DPP10: variants seen among roughly 807,000 people sequenced by gnomAD.
The protein encoded by DPP10 is dipeptidyl peptidase like 10, also known as inactive dipeptidyl peptidase 10.
In DPP10, 33 loss-of-function variants were observed where a neutral mutation model predicts 120.9. The observed-to-expected ratio is 0.27, with a 90% CI of 0.21 to 0.37. The LOEUF (loss-of-function observed/expected upper bound fraction) is 0.37, where lower values mean the gene tolerates loss of function less well. Ranked by LOEUF, DPP10 falls within the 10% of genes least tolerant of loss-of-function variation. The pLI is 1.00. For missense variants in DPP10, 816 were observed against 942.8 expected (o/e 0.87, Z 1.76); for synonymous variants, 337 against 326.1 (o/e 1.03, Z -0.36).
chr2:114,858,440 T>C (rs183507638), intron 1 of DPP10, among the ~76,000 whole-genome samples: 72 of 152,390 alleles, frequency 4.7e-4, no homozygotes, highest in African/African-American at 1.7e-3. Flanking sequence ...GAGTATTTTA[T>C]GTTTTCATGA....
chr2:114,849,176 C>T (rs958036944), intron 1 of DPP10, among the ~76,000 whole-genome samples: 3 of 152,144 alleles, frequency 2.0e-5, no homozygotes, highest in East Asian at 1.9e-4. Flanking sequence ...TCTTCACATA[C>T]ACATTTACTC....
rs76899578 is a variant in DPP10 at position 114,801,903 on chromosome 2, T to C, written c.60+359065T>C. 1.6e-3 allele frequency among the ~76,000 whole-genome samples: 238 copies of C among 152,274 alleles called. 2 individuals carry two copies. The highest frequency in any genetic ancestry group is 5.5e-3 in the African/African-American group (227 of 41,548). On this transcript the variant is annotated intron_variant, in intron 1 of 25. Coordinates refer to ENST00000410059, the MANE Select transcript of DPP10 (RefSeq NM_020868.6). ...AAAGACTGAAATATTAATAATGGAA[T>C]TGCATTTTCATGTGGACTCAACTTA...
chr2:115,016,429 A>G (rs534292606), intron 1 of DPP10, among the ~76,000 whole-genome samples: 35 of 152,338 alleles, frequency 2.3e-4, no homozygotes, highest in African/African-American at 8.4e-4. Flanking sequence ...AATACCATTC[A>G]GGATATAGGC....
At chr2:114,907,558 G>A (rs1316002859) in intron 1 of DPP10, among the ~76,000 whole-genome samples, 3 of 152,026 alleles carry the variant, frequency 2.0e-5, no homozygotes, top group African/African-American at 7.2e-5. Context: ...TGGTTACTTA[G>A]AAGTATTCAT....
intron 1 of DPP10, among the ~76,000 whole-genome samples, chr2:114,565,631 C>T (rs1009004473): frequency 6.6e-6 from 1 of 152,230 alleles, no homozygotes; most frequent in Non-Finnish European, 1.5e-5. Flanking sequence ...GCACACAGCG[C>T]AGCATACTTC....
intron 2 of DPP10, among the ~76,000 whole-genome samples, chr2:115,313,915 G>T (rs1270241698): frequency 3.3e-5 from 5 of 152,100 alleles, no homozygotes; most frequent in African/African-American, 1.2e-4. Flanking sequence ...TGTTTAAAGA[G>T]AAGGAGTTTA....
intron 12 of DPP10, among the ~76,000 whole-genome samples, chr2:115,763,378 A>G (rs1256721797): frequency 6.6e-6 from 1 of 152,092 alleles, no homozygotes; most frequent in Non-Finnish European, 1.5e-5. Flanking sequence ...ATCTCCTCCT[A>G]AATCTGTAAA....
At chr2:115,488,972 G>C (rs1003481663) in intron 3 of DPP10, among the ~76,000 whole-genome samples, 4 of 151,778 alleles carry the variant, frequency 2.6e-5, no homozygotes, top group African/African-American at 9.7e-5. Flanking sequence ...AGAGTGTATG[G>C]CTATTTTGGA....
intron 1 of DPP10, among the ~76,000 whole-genome samples, chr2:115,240,861 T>G (rs2058240076): frequency 6.6e-6 from 1 of 152,244 alleles, no homozygotes; most frequent in Admixed American, 6.5e-5. Context: ...AGTAACTTGC[T>G]TATCAGCAAC....
chr2:114,991,887 A>T (rs916754421), intron 1 of DPP10, among the ~76,000 whole-genome samples: 5 of 152,212 alleles, frequency 3.3e-5, no homozygotes, highest in African/African-American at 1.2e-4. Context: ...AAGTCCACAG[A>T]TGGAAAGATA....
At chr2:115,409,291 A>G (rs1462229326) in intron 3 of DPP10, among the ~76,000 whole-genome samples, 2 of 152,198 alleles carry the variant, frequency 1.3e-5, no homozygotes, top group Admixed American at 6.5e-5. Context: ...AAATAGTGAG[A>G]TCTATATCAA....
chr2:115,660,350 A>G (rs2088817535), intron 5 of DPP10, among the ~76,000 whole-genome samples: 1 of 152,096 alleles, frequency 6.6e-6, no homozygotes, highest in Non-Finnish European at 1.5e-5. Flanking sequence ...GACCATTCCT[A>G]CAGTCATTGT....
At chr2:115,119,742 A>C (rs914660584) in intron 1 of DPP10, among the ~76,000 whole-genome samples, 1 of 152,124 alleles carries the variant, frequency 6.6e-6, no homozygotes, top group African/African-American at 2.4e-5. Context: ...TGCCTCTTGA[A>C]TATTGAGAGG....
At chr2:114,698,654 A>G (rs1332258220) in intron 1 of DPP10, among the ~76,000 whole-genome samples, 2 of 152,056 alleles carry the variant, frequency 1.3e-5, no homozygotes, top group Admixed American at 6.6e-5. Context: ...AACAAGGCTC[A>G]ATCAGTCAAG....
At chr2:115,194,301 C>T (rs1490610738) in intron 1 of DPP10, among the ~76,000 whole-genome samples, 2 of 152,004 alleles carry the variant, frequency 1.3e-5, no homozygotes, top group Non-Finnish European at 2.9e-5. Context: ...CTCGGCTCAC[C>T]GCAGCCTCCG....
Position 115,019,596 on chromosome 2 carries a change from G to A in DPP10, c.61-289643G>A, listed in dbSNP as rs148264245. Among the ~76,000 whole-genome samples, 84 of 152,186 alleles carry A rather than the reference G, an allele frequency of 5.5e-4. No individual in the cohort carries two copies. In the East Asian group the frequency reaches 0.014, roughly 25 times the overall value. On this transcript the variant is annotated intron_variant, in intron 1 of 25. Coordinates refer to ENST00000410059, the MANE Select transcript of DPP10 (RefSeq NM_020868.6). The stretch of plus-strand genomic sequence containing the variant: ...TAAAAGTTTGGAAAACATCTTTGAG[G>A]GTATAATTGAGGAAAACTTTCCCAG...
chr2:115,476,617 G>A (rs1048403385), intron 3 of DPP10, among the ~76,000 whole-genome samples: 2 of 152,050 alleles, frequency 1.3e-5, no homozygotes, highest in African/African-American at 4.8e-5. Flanking sequence ...ACAGCACCAA[G>A]GATATGGCAC....
chr2:115,519,449 T>C (rs2077679685), intron 4 of DPP10, among the ~76,000 whole-genome samples: 1 of 152,152 alleles, frequency 6.6e-6, no homozygotes, highest in Non-Finnish European at 1.5e-5. Flanking sequence ...TCTATTATGT[T>C]TACAAAATAT....
chr2:114,803,450 G>C (rs910302794), intron 1 of DPP10, among the ~76,000 whole-genome samples: 2 of 152,198 alleles, frequency 1.3e-5, no homozygotes, highest in African/African-American at 4.8e-5. Flanking sequence ...GAGCTCAGAA[G>C]AAGAGAGAAA....
Sources: allele counts gnomAD v4.1 joint callset (sites outside exome capture counted in the v4.1 genomes callset), GRCh38; gene constraint gnomAD v4.1.1; transcripts MANE v1.5; gene names NCBI Gene and HGNC (gene_info 2026-07-23, HGNC 2026-07-21).